Variants in FSTL4 observed in about 807,000 individuals in gnomAD.
FSTL4 encodes follistatin like 4.
Under a neutral mutation model 78.2 loss-of-function variants are expected in FSTL4, and 28 were observed. That is an observed-to-expected ratio of 0.36 (90% CI 0.27 to 0.49). The LOEUF is 0.49. Ranked by LOEUF, FSTL4 falls within the 20% of genes least tolerant of loss-of-function variation. The probability of loss-of-function intolerance (pLI) is 0.98; values close to 1 mark genes in which losing one functional copy is unlikely to be tolerated. For synonymous variants in FSTL4, 422 were observed against 440.5 expected (o/e 0.96, Z 0.53); for missense variants, 922 against 1,084.9 (o/e 0.85, Z 2.11).
chr5:133,840,203 C>T, the FSTL4 span, among the ~76,000 whole-genome samples: 2 of 152,128 alleles, frequency 1.3e-5, no homozygotes, highest in African/African-American at 2.4e-5. Flanking sequence ...TTTAATAAAA[C>T]AGAGACAATC....
intron 3 of FSTL4, among the ~76,000 whole-genome samples, chr5:133,434,189 G>A (rs1756996006): frequency 6.6e-6 from 1 of 152,134 alleles, no homozygotes; most frequent in African/African-American, 2.4e-5. Flanking sequence ...GATGAGAGAA[G>A]CAGACGAGAC....
chr5:133,795,277 T>A, the FSTL4 span, among the ~76,000 whole-genome samples: 5 of 152,132 alleles, frequency 3.3e-5, no homozygotes, highest in East Asian at 9.7e-4. Flanking sequence ...AAGGGGATAG[T>A]GGGGTGGTGC....
chr5:133,774,752 T>G, the FSTL4 span, among the ~76,000 whole-genome samples: 1 of 152,242 alleles, frequency 6.6e-6, no homozygotes, highest in Non-Finnish European at 1.5e-5. Flanking sequence ...TGTCATAGTA[T>G]AGCCTTAATT....
the FSTL4 span, among the ~76,000 whole-genome samples, chr5:133,641,426 C>T: frequency 6.6e-6 from 1 of 152,098 alleles, no homozygotes; most frequent in South Asian, 2.1e-4. Flanking sequence ...AACTTAACAA[C>T]TGTTTTAAAA....
chr5:133,485,166 AAG>A (rs1758106281), intron 3 of FSTL4, among the ~76,000 whole-genome samples: 1 of 152,224 alleles, frequency 6.6e-6, no homozygotes, highest in Non-Finnish European at 1.5e-5. Context: ...GAGACATTCT[AAG>A]AGTTTCTTTC....
chr5:133,790,133 C>T, the FSTL4 span, among the ~76,000 whole-genome samples: 1 of 152,160 alleles, frequency 6.6e-6, no homozygotes, highest in African/African-American at 2.4e-5. Context: ...GCTCAGAGTC[C>T]TTTCTCTGCT....
At chr5:133,712,730 TA>T in the FSTL4 span, among the ~76,000 whole-genome samples, 9 of 152,200 alleles carry the variant, frequency 5.9e-5, no homozygotes, top group African/African-American at 2.4e-5. Flanking sequence ...GGAGACCTTC[TA>T]AGCAGATGTC....
At chr5:133,622,839 T>G in the FSTL4 span, among the ~76,000 whole-genome samples, 3 of 152,148 alleles carry the variant, frequency 2.0e-5, no homozygotes. Flanking sequence ...AATGTTTTCC[T>G]CCAGTCTCTA....
intron 3 of FSTL4, among the ~76,000 whole-genome samples, chr5:133,467,127 G>T (rs1561728453): frequency 2.0e-5 from 3 of 150,388 alleles, no homozygotes; most frequent in South Asian, 2.1e-4. Context: ...TATGTATGTG[G>T]GTGTGTGTGT....
rs58341961 is a variant in FSTL4, at chr5:133,269,322, T to C, written c.728-19746A>G. On this transcript the variant is annotated intron_variant, in intron 6 of 15. Coordinates refer to ENST00000265342, the MANE Select transcript of FSTL4 (RefSeq NM_015082.2). ...GTCACAAAAATACCTGTGTGGTGTT[T>C]GTACATGCAGGAGAGAAAGCCTGTG... Among the ~76,000 whole-genome samples, 1,164 of 152,284 alleles carry C rather than the reference T, an allele frequency of 7.6e-3. 13 individuals are homozygous for C. Among genetic ancestry groups the C allele is most frequent in the African/African-American group, 0.026 (1,097 of 41,552 alleles).
chr5:133,221,281 C>A (rs780982063), intron 11 of FSTL4, among the ~76,000 whole-genome samples: 27 of 152,130 alleles, frequency 1.8e-4, no homozygotes, highest in Non-Finnish European at 2.8e-4. Flanking sequence ...TTTTTAAACC[C>A]ATGTATGTAC....
intron 4 of FSTL4, among the ~76,000 whole-genome samples, chr5:133,334,974 C>A (rs139842878): frequency 0.011 from 1,696 of 152,300 alleles, 16 homozygotes; most frequent in Non-Finnish European, 0.014. Context: ...GCGTCCTGGC[C>A]TCACCCAATA....
chr5:133,255,307 T>G (rs1752356684), intron 6 of FSTL4, among the ~76,000 whole-genome samples: 1 of 152,230 alleles, frequency 6.6e-6, no homozygotes, highest in Non-Finnish European at 1.5e-5. Flanking sequence ...GGCAGAAGTC[T>G]GTGCCCACAG....
chr5:133,760,919 G>A, the FSTL4 span, among the ~76,000 whole-genome samples: 1 of 152,198 alleles, frequency 6.6e-6, no homozygotes. Context: ...ACCATAAAAT[G>A]GAGAACAGCA....
intron 4 of FSTL4, among the ~76,000 whole-genome samples, chr5:133,337,105 C>T (rs1334683669): frequency 2.0e-5 from 3 of 152,226 alleles, no homozygotes; most frequent in Non-Finnish European, 4.4e-5. Context: ...CCACAGTGCT[C>T]GATTTGGGAT....
At chr5:133,599,676 A>G (rs1346054307) in intron 2 of FSTL4, among the ~76,000 whole-genome samples, 3 of 152,226 alleles carry the variant, frequency 2.0e-5, no homozygotes, top group Non-Finnish European at 4.4e-5. Flanking sequence ...CCACCATTCA[A>G]TCTCAGAGCC....
chr5:133,490,640 T>C (rs1758249277), intron 3 of FSTL4, among the ~76,000 whole-genome samples: 1 of 152,220 alleles, frequency 6.6e-6, no homozygotes, highest in South Asian at 2.1e-4. Context: ...CTCTGATCCT[T>C]GAGTTATTTC....
the FSTL4 span, among the ~76,000 whole-genome samples, chr5:133,762,492 G>A: frequency 6.6e-6 from 1 of 152,146 alleles, no homozygotes; most frequent in Admixed American, 6.5e-5. Context: ...AGAAACTAAC[G>A]TGTCCTGGCC....
chr5:133,596,312 C>A (rs1157183182), intron 2 of FSTL4, among the ~76,000 whole-genome samples: 1 of 152,240 alleles, frequency 6.6e-6, no homozygotes, highest in Non-Finnish European at 1.5e-5. Flanking sequence ...CGTCTGTCAC[C>A]TCTGAGGCTA....
Sources: allele counts gnomAD v4.1 joint callset (sites outside exome capture counted in the v4.1 genomes callset), GRCh38; gene constraint gnomAD v4.1.1; transcripts MANE v1.5; gene names NCBI Gene and HGNC (gene_info 2026-07-23, HGNC 2026-07-21).